ADRA1D: variants seen among roughly 807,000 people sequenced by gnomAD.
ADRA1D encodes the protein alpha-1D adrenergic receptor.
In ADRA1D, 22 loss-of-function variants were observed where a neutral mutation model predicts 18.6. The ratio of observed to expected loss-of-function variants is 1.19; its 90% CI spans 0.85 to 1.69. The LOEUF is 1.69. Among genes scored for constraint, ADRA1D ranks in the 40% most tolerant of loss-of-function variants. The pLI, the probability that ADRA1D is intolerant of heterozygous loss-of-function variation, is 0.00. For missense variants in ADRA1D, 840 were observed against 840.7 expected (o/e 1.00, Z 0.01); for synonymous variants, 376 against 388.2 (o/e 0.97, Z 0.37).
rs1980702115 is a variant in ADRA1D, at chr20:4,222,692, A to G, written c.1112-562T>C. On this transcript the variant is annotated intron_variant, in intron 1 of 1. Transcript: ENST00000379453. The surrounding 1 kb of genome is among the most constrained non-coding windows in gnomAD (Gnocchi z 4.3). ...AAGATAACGTCTGACCAGGCTAGTAATTATGCTGCTATGAACAGATATACT... is the reference window on the plus strand; with the variant it reads ...AAGATAACGTCTGACCAGGCTAGTAGTTATGCTGCTATGAACAGATATACT... 1.3e-5 allele frequency among the ~76,000 whole-genome samples: 2 copies of G among 152,290 alleles called. No homozygotes were observed. The highest frequency in any genetic ancestry group is 4.2e-4 in the South Asian group (2 of 4,804).
At chr20:4,241,031 C>A (rs565300504) in intron 1 of ADRA1D, among the ~76,000 whole-genome samples, 3 of 152,094 alleles carry the variant, frequency 2.0e-5, no homozygotes, top group Admixed American at 1.3e-4. Flanking sequence ...TATTAACTGT[C>A]CTGTTAAAGA....
At chr20:4,225,192 G>T (rs1980767520) in intron 1 of ADRA1D, among the ~76,000 whole-genome samples, 1 of 151,384 alleles carries the variant, frequency 6.6e-6, no homozygotes, top group Admixed American at 6.6e-5. Context: ...AGTAGAGACG[G>T]GGTTTCACCA....
intron 1 of ADRA1D, among the ~76,000 whole-genome samples, chr20:4,230,898 A>G (rs183281837): frequency 2.6e-4 from 39 of 152,300 alleles, no homozygotes; most frequent in Admixed American, 2.5e-3. Context: ...AGCCTGGCTC[A>G]GCTGTCCTTT....
At position 4,248,986 on chromosome 20, in the gene ADRA1D, CG is replaced by C; in HGVS notation, c.-30del. On this transcript the variant is annotated 5_prime_UTR_variant, in exon 1 of 2. It removes the in-frame stop codon of an upstream open reading frame in the 5' UTR. Transcript: ENST00000379453. ...AACGCGCGGCCGTCGGTGGCCGGGC[CG>C]GGGCACAGAACGAGCGGCCGGCAGG... The C allele has an allele frequency of 7.6e-7, 1 of 1,309,088 alleles. No homozygotes were observed. Among genetic ancestry groups the C allele is most frequent in the Non-Finnish European group, 9.8e-7 (1 of 1,017,956 alleles). The allele number at this position is 1,309,088 out of a possible 1,614,324, so 81.1% of individuals were successfully genotyped here. A position where few individuals can be genotyped will look rare whatever the true frequency, so the allele number is the denominator to read the frequency against.
intron 1 of ADRA1D, 123 bp downstream of exon 1, chr20:4,247,724 A>C: frequency 8.8e-7 from 1 of 1,142,474 alleles, no homozygotes; most frequent in Non-Finnish European, 1.2e-6. Flanking sequence ...CTCTTAGGAG[A>C]CTCAGGACTT....
rs573859559 is a variant in ADRA1D at position 4,232,593 on chromosome 20, G to A, written c.1112-10463C>T. Among the ~76,000 whole-genome samples, 183 of 152,306 alleles carry A rather than the reference G, an allele frequency of 1.2e-3. 1 individual carries two copies. Among genetic ancestry groups the A allele is most frequent in the African/African-American group, 4.2e-3 (174 of 41,558 alleles). ...CCAAACTCCTGGGAGAAACCCTAAA[G>A]AGCTGCTTGGCCATCTCTTTCAACT... On this transcript the variant is annotated intron_variant, in intron 1 of 1. Transcript: ENST00000379453.
At chr20:4,232,144 C>T (rs1980985536) in intron 1 of ADRA1D, among the ~76,000 whole-genome samples, 1 of 152,198 alleles carries the variant, frequency 6.6e-6, no homozygotes, top group South Asian at 2.1e-4. Flanking sequence ...AAACTCCTGA[C>T]CTCAGGTGAT....
In ADRA1D at chr20:4,221,478, C is replaced by T. The variant is rs144970579; in HGVS notation, c.*45G>A. The T allele has an allele frequency of 2.5e-4, 393 of 1,560,922 alleles. 2 individuals are homozygous for T. In the Middle Eastern group the frequency reaches 3.3e-3, roughly 13 times the overall value. On this transcript the variant is annotated 3_prime_UTR_variant, in exon 2 of 2. Transcript: ENST00000379453. Reference sequence around the variant, plus strand: ...ACACCAGCCCGCCTCTCTGGTCCCCCTTACCCCCAAGCCCAGCACACTCCG... The same window carrying T: ...ACACCAGCCCGCCTCTCTGGTCCCCTTTACCCCCAAGCCCAGCACACTCCG...
At chr20:4,240,901 G>T (rs1321477587) in intron 1 of ADRA1D, among the ~76,000 whole-genome samples, 3 of 152,096 alleles carry the variant, frequency 2.0e-5, no homozygotes, top group Non-Finnish European at 4.4e-5. Flanking sequence ...AGGTACACAG[G>T]GGTTCATTAT....
intron 1 of ADRA1D, among the ~76,000 whole-genome samples, chr20:4,245,690 C>T (rs1469351257): frequency 6.6e-6 from 1 of 152,026 alleles, no homozygotes; most frequent in African/African-American, 2.4e-5. Context: ...GCGTTCCCTA[C>T]AGGGGCCCAG....
At chr20:4,231,045 T>TCTTTCTTTCTTTCTTG (rs1384478402) in intron 1 of ADRA1D, among the ~76,000 whole-genome samples, 1 of 74,134 alleles carries the variant, frequency 1.3e-5, no homozygotes, top group Non-Finnish European at 2.6e-5. Flanking sequence ...TCTTTTTCTT[T>TCTTTCTTTCTTTCTTG]CTTTCTTTCT....
rs115694021 is a variant in ADRA1D, at chr20:4,245,352, A to G, written c.1111+2495T>C. The stretch of plus-strand genomic sequence containing the variant: ...AAATCTCAAAGACAAACAAAACAGT[A>G]TATTATTATGGATACAGATGTTTGT... On this transcript the variant is annotated intron_variant, in intron 1 of 1. Transcript: ENST00000379453. 9.5e-3 allele frequency among the ~76,000 whole-genome samples: 1,443 copies of G among 152,282 alleles called. 16 individuals are homozygous for G. Among genetic ancestry groups the G allele is most frequent in the African/African-American group, 0.032 (1,314 of 41,542 alleles).
rs61759847 is a variant in ADRA1D, at chr20:4,248,068, C to T, written c.890G>A (p.Gly297Asp). ...GCGCAGCACCACCTCGGAGGCCTTGCCTCGCTCGCGCTTGACGCCCGCCTC... is the reference window on the plus strand; with the variant it reads ...GCGCAGCACCACCTCGGAGGCCTTGTCTCGCTCGCGCTTGACGCCCGCCTC... The part of the protein sequence containing the change: ...SLEAGVKRER[G>D]KASEVVLRIH... Residue 297 changes from glycine to aspartate, a missense_variant, in exon 1 of 2, where the codon GGC (glycine) becomes GAC (aspartate). Transcript: ENST00000379453. 1.9e-6 allele frequency: 3 copies of T among 1,550,422 alleles called. No homozygotes were observed. Among genetic ancestry groups the T allele is most frequent in the East Asian group, 2.4e-5 (1 of 40,966 alleles).
intron 1 of ADRA1D, among the ~76,000 whole-genome samples, chr20:4,237,646 C>T (rs1209353144): frequency 7.0e-6 from 1 of 143,102 alleles, no homozygotes; most frequent in Non-Finnish European, 1.5e-5. Context: ...CTAATCAAGA[C>T]TAATGTCAGG....
chr20:4,229,723 C>A (rs536835954), intron 1 of ADRA1D, among the ~76,000 whole-genome samples: 2 of 152,088 alleles, frequency 1.3e-5, no homozygotes, highest in South Asian at 4.1e-4. Context: ...ACCCTCAATG[C>A]GCCCTCCCAC....
chr20:4,234,752 A>G (rs1476130561), intron 1 of ADRA1D, among the ~76,000 whole-genome samples: 1 of 152,188 alleles, frequency 6.6e-6, no homozygotes, highest in Non-Finnish European at 1.5e-5. Context: ...AGCCTCTCTA[A>G]TACAGTACAC....
In ADRA1D at chr20:4,226,288, C is replaced by T. The variant is rs538193743; in HGVS notation, c.1112-4158G>A. Among the ~76,000 whole-genome samples, 87 of 152,342 alleles carry T rather than the reference C, an allele frequency of 5.7e-4. 1 individual carries two copies. Among genetic ancestry groups the T allele is most frequent in the African/African-American group, 1.9e-3 (80 of 41,582 alleles). ...TGTAATACAAACTCAGCCTTTCAGC[C>T]CCAAGGTTTTCCCACTGTATCCTGT... On this transcript the variant is annotated intron_variant, in intron 1 of 1. Transcript: ENST00000379453.
chr20:4,227,891 G>A lies in ADRA1D; in HGVS notation c.1112-5761C>T, dbSNP rs367915606. On this transcript the variant is annotated intron_variant, in intron 1 of 1. Coordinates refer to ENST00000379453, the MANE Select transcript of ADRA1D (RefSeq NM_000678.4). Reference sequence around the variant, plus strand: ...CAAAGTGCTGGGATTACAGGCGTGAGCCACTGCTCCTGGCCCCTGCAGTGC... The same window carrying A: ...CAAAGTGCTGGGATTACAGGCGTGAACCACTGCTCCTGGCCCCTGCAGTGC... 3.3e-5 allele frequency among the ~76,000 whole-genome samples: 5 copies of A among 151,856 alleles called. No homozygotes were observed. In the East Asian group the frequency reaches 5.8e-4, roughly 18 times the overall value.
intron 1 of ADRA1D, among the ~76,000 whole-genome samples, chr20:4,244,575 A>G (rs905235056): frequency 1.3e-5 from 2 of 152,114 alleles, no homozygotes; most frequent in African/African-American, 2.4e-5. Context: ...TGGTACCTCC[A>G]CACCAACATA....
Sources: allele counts gnomAD v4.1 joint callset (sites outside exome capture counted in the v4.1 genomes callset), GRCh38; gene constraint gnomAD v4.1.1; non-coding constraint Gnocchi (gnomAD v3.1); transcripts MANE v1.5; gene names NCBI Gene and HGNC (gene_info 2026-07-23, HGNC 2026-07-21).